Variants in ZNF704 observed in about 807,000 individuals in gnomAD.
ZNF704 encodes zinc finger protein 704, also known as glucocorticoid induced gene 1.
Under a neutral mutation model 44.7 loss-of-function variants are expected in ZNF704, and 10 were observed. The observed-to-expected ratio is 0.22, with a 90% CI of 0.14 to 0.38. The LOEUF (loss-of-function observed/expected upper bound fraction) is 0.38, where lower values mean the gene tolerates loss of function less well. Ranked by LOEUF, ZNF704 falls within the 10% of genes least tolerant of loss-of-function variation. ZNF704 has a pLI of 1.00. For missense variants in ZNF704, 390 were observed against 545.5 expected (o/e 0.71, Z 2.84); for synonymous variants, 211 against 207.6 (o/e 1.02, Z -0.14).
chr8:80,716,587 C>T (rs778892592), intron 2 of ZNF704, among the ~76,000 whole-genome samples: 2 of 152,214 alleles, frequency 1.3e-5, no homozygotes, highest in Non-Finnish European at 2.9e-5. Flanking sequence ...ATGTCAGGAT[C>T]TGATCTACAG....
At chr8:80,763,402 T>C (rs1428401980) in intron 2 of ZNF704, among the ~76,000 whole-genome samples, 2 of 152,238 alleles carry the variant, frequency 1.3e-5, no homozygotes, top group Non-Finnish European at 1.5e-5. Context: ...TCTGTGCACC[T>C]GCAGGCTCAA....
At chr8:80,656,399 G>A (rs1202116738) in intron 7 of ZNF704, among the ~76,000 whole-genome samples, 2 of 152,164 alleles carry the variant, frequency 1.3e-5, no homozygotes, top group South Asian at 2.1e-4. Flanking sequence ...AGGGGCCAAC[G>A]GCTCTTAGTT....
chr8:80,842,091 C>T (rs1224057293), intron 1 of ZNF704, among the ~76,000 whole-genome samples: 1 of 152,186 alleles, frequency 6.6e-6, no homozygotes, highest in Non-Finnish European at 1.5e-5. Flanking sequence ...GCTACTGTGC[C>T]TGGCCTAAAT....
chr8:80,799,886 T>C (rs1807870012), intron 2 of ZNF704, among the ~76,000 whole-genome samples: 1 of 152,062 alleles, frequency 6.6e-6, no homozygotes, highest in South Asian at 2.1e-4. Flanking sequence ...TAAAGGAGCA[T>C]GTCTAACCCA....
At chr8:80,843,425 T>G (rs1808713970) in intron 1 of ZNF704, among the ~76,000 whole-genome samples, 1 of 152,224 alleles carries the variant, frequency 6.6e-6, no homozygotes, top group Admixed American at 6.5e-5. Flanking sequence ...TTTTAAAAGT[T>G]GAAGTCTCTT....
chr8:80,865,897 T>G (rs1372733662), intron 1 of ZNF704, among the ~76,000 whole-genome samples: 1 of 152,180 alleles, frequency 6.6e-6, no homozygotes, highest in African/African-American at 2.4e-5. Flanking sequence ...CCTTGAAAAC[T>G]CTAGAGTCAA....
At chr8:80,664,462 G>A (rs1818154425) in intron 6 of ZNF704, among the ~76,000 whole-genome samples, 1 of 151,850 alleles carries the variant, frequency 6.6e-6, no homozygotes, top group African/African-American at 2.4e-5. Context: ...GTAGAGATGG[G>A]GTTTCACCAT....
chr8:80,724,130 T>C (rs1296959314), intron 2 of ZNF704, among the ~76,000 whole-genome samples: 1 of 152,234 alleles, frequency 6.6e-6, no homozygotes, highest in Non-Finnish European at 1.5e-5. Context: ...TATCTGGTGA[T>C]GCTGGGACTT....
intron 2 of ZNF704, among the ~76,000 whole-genome samples, chr8:80,718,245 T>C (rs1470962504): frequency 6.6e-6 from 1 of 152,192 alleles, no homozygotes; most frequent in Non-Finnish European, 1.5e-5. Flanking sequence ...TCAAATGCCA[T>C]GTTCTCCAGA....
At chr8:80,773,430 A>C (rs1807358286) in intron 2 of ZNF704, among the ~76,000 whole-genome samples, 1 of 152,206 alleles carries the variant, frequency 6.6e-6, no homozygotes, top group Admixed American at 6.5e-5. Context: ...ATTGTTTTAA[A>C]TATTTCCTCT....
At chr8:80,882,989 G>A in the ZNF704 span, among the ~76,000 whole-genome samples, 10 of 147,174 alleles carry the variant, frequency 6.8e-5, no homozygotes, top group Admixed American at 2.1e-4. Flanking sequence ...TGTAACTCCA[G>A]CACTTTGGGA....
chr8:80,682,189 T>A (rs190180698), intron 4 of ZNF704, among the ~76,000 whole-genome samples: 1 of 152,344 alleles, frequency 6.6e-6, no homozygotes, highest in African/African-American at 2.4e-5. Flanking sequence ...TTTACGGGTT[T>A]GTTTTCTTCT....
At chr8:80,810,295 T>C (rs1808061316) in intron 2 of ZNF704, among the ~76,000 whole-genome samples, 1 of 152,192 alleles carries the variant, frequency 6.6e-6, no homozygotes, top group African/African-American at 2.4e-5. Context: ...CCCTTATCAT[T>C]TCTCCACCCA....
intron 2 of ZNF704, among the ~76,000 whole-genome samples, chr8:80,694,771 A>AAGCCTATT (rs1304317490): frequency 2.0e-5 from 3 of 152,232 alleles, no homozygotes; most frequent in African/African-American, 7.2e-5. Context: ...TTGTTAAACA[A>AAGCCTATT]AGCCTATTCT....
chr8:80,836,520 G>A (rs554816532), intron 1 of ZNF704, among the ~76,000 whole-genome samples: 5 of 152,298 alleles, frequency 3.3e-5, no homozygotes, highest in African/African-American at 1.2e-4. Context: ...GCTCATGCCT[G>A]TAATCCCAGC....
At position 80,643,016 on chromosome 8, in the gene ZNF704, G is replaced by C. The variant is rs1817768900; in HGVS notation, c.1127+19C>G. 6 of 1,534,282 alleles carry C rather than the reference G, an allele frequency of 3.9e-6. No homozygotes were observed. Among genetic ancestry groups the C allele is most frequent in the Non-Finnish European group, 5.3e-6 (6 of 1,132,436 alleles). The stretch of plus-strand genomic sequence containing the variant: ...ATTCCCTTGTGGTGAGGTGTGTGGA[G>C]TTTTTTAAGCTGTCGTACCTTAAGC... On this transcript the variant is annotated intron_variant, in intron 8 of 8. Coordinates refer to ENST00000327835, the MANE Select transcript of ZNF704 (RefSeq NM_001033723.3).
intron 1 of ZNF704, among the ~76,000 whole-genome samples, chr8:80,870,259 A>G (rs1224847670): frequency 6.6e-6 from 1 of 152,232 alleles, no homozygotes; most frequent in Non-Finnish European, 1.5e-5. Flanking sequence ...AATTCCCATG[A>G]TGCTTTAGTC....
chr8:80,691,463 T>A (rs1450511789), intron 3 of ZNF704, among the ~76,000 whole-genome samples: 1 of 152,194 alleles, frequency 6.6e-6, no homozygotes, highest in Non-Finnish European at 1.5e-5. Flanking sequence ...AACATGCTTT[T>A]CCCTTGGTTT....
At chr8:80,854,526 A>G (rs1808925458) in intron 1 of ZNF704, among the ~76,000 whole-genome samples, 1 of 152,238 alleles carries the variant, frequency 6.6e-6, no homozygotes, top group Non-Finnish European at 1.5e-5. Context: ...GACTTGTAAG[A>G]TAGCAACATT....
Sources: allele counts gnomAD v4.1 joint callset (sites outside exome capture counted in the v4.1 genomes callset), GRCh38; gene constraint gnomAD v4.1.1; transcripts MANE v1.5; gene names NCBI Gene and HGNC (gene_info 2026-07-23, HGNC 2026-07-21).